Variants in CALML4 observed in about 807,000 individuals in gnomAD.
CALML4 encodes the protein calmodulin-like protein 4.
A neutral mutation model predicts 17.9 loss-of-function variants in CALML4; 16 were observed. The observed-to-expected ratio is 0.89, with a 90% CI of 0.61 to 1.36. CALML4 has a LOEUF of 1.36. Among genes scored for constraint, CALML4 ranks in the 40% most tolerant of loss-of-function variants. The probability of loss-of-function intolerance (pLI) is 0.00; values close to 1 mark genes in which losing one functional copy is unlikely to be tolerated. For synonymous variants in CALML4, 86 were observed against 71.5 expected (o/e 1.20, Z -1.02); for missense variants, 203 against 194.8 (o/e 1.04, Z -0.25).
At chr15:68,198,930 G>C (rs2093155604) in intron 3 of CALML4, among the ~76,000 whole-genome samples, 1 of 152,156 alleles carries the variant, frequency 6.6e-6, no homozygotes, top group Admixed American at 6.5e-5. Context: ...GGGAGGCCGA[G>C]GCAGGCAGAT....
chr15:68,194,066 C>T lies in CALML4; in HGVS notation c.411G>A (p.Val137=). 1 of 1,614,156 alleles carries T rather than the reference C, an allele frequency of 6.2e-7. No homozygotes were observed. The highest frequency in any genetic ancestry group is 8.5e-7 in the Non-Finnish European group (1 of 1,179,976). Residue 137 remains valine, a synonymous_variant, in exon 5 of 5, where the codon GTG becomes GTA. Coordinates refer to ENST00000467889, the MANE Select transcript of CALML4 (RefSeq NM_033429.3). ...TCTTGTGGATAAATTCATCATACTT[C>T]ACTTTGCCATTGGGTTCGATATCTG... The part of the protein sequence containing the change: ...READIEPNGK[V]KYDEFIHKIT...
chr15:68,199,390 A>G (rs1427548970), intron 3 of CALML4, 151 bp downstream of exon 3: 4 of 785,330 alleles, frequency 5.1e-6, no homozygotes, highest in Non-Finnish European at 7.9e-6. Flanking sequence ...CAAGTGAGGT[A>G]CGGCACTCCT....
chr15:68,193,649 A>C lies in CALML4; in HGVS notation c.*366T>G, dbSNP rs2093130400. ...CTTCCTCAACAGGCTCCATGAGGTA[A>C]GAAGTGGGAATCCAGCTTGTGTGGG... On this transcript the variant is annotated 3_prime_UTR_variant, in exon 5 of 5. Transcript: ENST00000467889. 1 of 209,268 alleles carries C rather than the reference A, an allele frequency of 4.8e-6. No individual in the cohort carries two copies. The highest frequency in any genetic ancestry group is 9.7e-6 in the Non-Finnish European group (1 of 103,552). 13.0% of individuals were successfully genotyped at this position (209,268 alleles called of 1,614,324 possible). A position where few individuals can be genotyped will look rare whatever the true frequency, so the allele number is the denominator to read the frequency against.
Position 68,192,563 on chromosome 15 carries a change from G to C in CALML4, c.*1452C>G, listed in dbSNP as rs2093125178. 6.6e-6 allele frequency: 1 copy of C among 152,152 alleles called. No homozygotes were observed. Among genetic ancestry groups the C allele is most frequent in the African/African-American group, 2.4e-5 (1 of 41,418 alleles). The allele number at this position is 152,152 out of a possible 1,614,324, so 9.4% of individuals were successfully genotyped here. A position where few individuals can be genotyped will look rare whatever the true frequency, so the allele number is the denominator to read the frequency against. ...CCTAGGAATTCCTCCTCTCCTTGCA[G>C]TTATGCTTGGGGAAATGAGAGTCTC... On this transcript the variant is annotated 3_prime_UTR_variant, in exon 5 of 5. Coordinates refer to ENST00000467889, the MANE Select transcript of CALML4 (RefSeq NM_033429.3).
At chr15:68,195,300 T>TTAAC (rs1430518527) in intron 4 of CALML4, among the ~76,000 whole-genome samples, 1 of 152,230 alleles carries the variant, frequency 6.6e-6, no homozygotes, top group East Asian at 1.9e-4. Flanking sequence ...GATTCTCTGC[T>TTAAC]TAACTATCCT....
chr15:68,203,109 C>G (rs895999237), intron 2 of CALML4, among the ~76,000 whole-genome samples: 1 of 152,028 alleles, frequency 6.6e-6, no homozygotes, highest in Non-Finnish European at 1.5e-5. Context: ...GCCAACTGCA[C>G]CTGGCCAGTT....
chr15:68,202,648 T>C (rs867401804), intron 2 of CALML4, among the ~76,000 whole-genome samples: 1,685 of 150,540 alleles, frequency 0.011, 49 homozygotes, highest in African/African-American at 0.039. Context: ...GCCAACTTTT[T>C]TTTTTTTTTT....
Position 68,193,938 on chromosome 15 carries a change from G to T in CALML4, c.*77C>A. On this transcript the variant is annotated 3_prime_UTR_variant, in exon 5 of 5. Transcript: ENST00000467889. The stretch of plus-strand genomic sequence containing the variant: ...CCACTGTGTTTGCCATCTCTCCCAA[G>T]TGAAAAGAACACTTTTTAAAAAAAA... 9.7e-7 allele frequency: 1 copy of T among 1,027,064 alleles called. No homozygotes were observed. 63.6% of individuals were successfully genotyped at this position (1,027,064 alleles called of 1,614,324 possible). A position where few individuals can be genotyped will look rare whatever the true frequency, so the allele number is the denominator to read the frequency against.
rs1190753141 is a variant in CALML4, at chr15:68,191,843, CACTT to C, written c.*2168_*2171del. The C allele has an allele frequency of 1.3e-5, 2 of 152,166 alleles. No homozygotes were observed. Among genetic ancestry groups the C allele is most frequent in the Non-Finnish European group, 2.9e-5 (2 of 68,030 alleles). 9.4% of individuals were successfully genotyped at this position (152,166 alleles called of 1,614,324 possible). ...TCCTCGGGTAGAGGTTTGAATCAAACACTTAATAGGATCTTAGACTCTGGACCAC... is the reference window on the plus strand; with the variant it reads ...TCCTCGGGTAGAGGTTTGAATCAAACAATAGGATCTTAGACTCTGGACCAC... On this transcript the variant is annotated 3_prime_UTR_variant, in exon 5 of 5. Coordinates refer to ENST00000467889, the MANE Select transcript of CALML4 (RefSeq NM_033429.3).
At chr15:68,199,422 G>A (rs35964710) in intron 3 of CALML4, 119 bp downstream of exon 3, 50,927 of 1,135,100 alleles carry the variant, frequency 0.045, 1,357 homozygotes, top group Non-Finnish European at 0.051. Context: ...GCCACAGCTG[G>A]ATCCCCAGGA....
rs2093162706 is a variant in CALML4, at chr15:68,200,683, G to C, written c.35-1002C>G. Among the ~76,000 whole-genome samples the C allele has an allele frequency of 6.6e-6, 1 of 152,166 alleles. No homozygotes were observed. Among genetic ancestry groups the C allele is most frequent in the African/African-American group, 2.4e-5 (1 of 41,428 alleles). On this transcript the variant is annotated intron_variant, in intron 2 of 4. Transcript: ENST00000467889. This position sits in a 1 kb window ranked among gnomAD's most constrained non-coding sequence, Gnocchi z 4.3. ...GGAGCCGTGGAAACACAGTGGCCTGGCGCTGGCCCTCCCAGGCTGGGGCTC... is the reference window on the plus strand; with the variant it reads ...GGAGCCGTGGAAACACAGTGGCCTGCCGCTGGCCCTCCCAGGCTGGGGCTC...
At position 68,192,281 on chromosome 15, in the gene CALML4, C is replaced by T. The variant is rs1875611111; in HGVS notation, c.*1734G>A. 6.6e-6 allele frequency: 1 copy of T among 152,156 alleles called. No individual in the cohort carries two copies. The allele number at this position is 152,156 out of a possible 1,614,324, so 9.4% of individuals were successfully genotyped here. ...CGGCGGGGCCAGCATCTAACCGGCC[C>T]TCTGGTGGATTTACCATGAAGGTAA... is the stretch of plus-strand genomic sequence containing the variant. On this transcript the variant is annotated 3_prime_UTR_variant, in exon 5 of 5. Transcript: ENST00000467889.
intron 4 of CALML4, among the ~76,000 whole-genome samples, chr15:68,194,945 A>AC (rs1311050785): frequency 6.6e-6 from 1 of 151,760 alleles, no homozygotes; most frequent in Non-Finnish European, 1.5e-5. Context: ...AAAAAAAAAA[A>AC]AAATGTTTGG....
In CALML4 at chr15:68,193,537, A is replaced by G. The variant is rs1245728165; in HGVS notation, c.*478T>C. 6.5e-6 allele frequency: 1 copy of G among 153,568 alleles called. No individual in the cohort carries two copies. The highest frequency in any genetic ancestry group is 1.9e-4 in the East Asian group (1 of 5,228). 9.5% of individuals were successfully genotyped at this position (153,568 alleles called of 1,614,324 possible). On this transcript the variant is annotated 3_prime_UTR_variant, in exon 5 of 5. Coordinates refer to ENST00000467889, the MANE Select transcript of CALML4 (RefSeq NM_033429.3). ...TCAGCTAGCACTGGCTTCATCTTGG[A>G]AAATCTTGGAAATATGGAAGATGGT...
intron 2 of CALML4, among the ~76,000 whole-genome samples, chr15:68,203,001 G>A (rs796652995): frequency 6.6e-6 from 1 of 152,210 alleles, no homozygotes; most frequent in South Asian, 2.1e-4. Flanking sequence ...TTTTAGTAGA[G>A]ATAGGGTTTC....
upstream of CALML4, chr15:68,205,601 C>G: frequency 1.8e-6 from 1 of 567,108 alleles, no homozygotes; most frequent in East Asian, 3.1e-5. The surrounding 1 kb of genome is among the most constrained non-coding windows in gnomAD (Gnocchi z 4.8). Flanking sequence ...TCCTGGGACT[C>G]GGCGGGGATG....
chr15:68,194,152 T>C, intron 4 of CALML4, 40 bp from the exon 5 acceptor site: 1 of 1,538,324 alleles, frequency 6.5e-7, no homozygotes, highest in Non-Finnish European at 9.0e-7. Flanking sequence ...TTGGCTTTAG[T>C]GTTCCATTAT....
rs2141130780 is a variant in CALML4 at position 68,203,604 on chromosome 15, T to C, written c.34+1517A>G. 2.0e-5 allele frequency among the ~76,000 whole-genome samples: 3 copies of C among 152,356 alleles called. No homozygotes were observed. The South Asian group carries it at 6.2e-4, about 32-fold the overall frequency. ...AAACTATGGCTCTTGCTAGCTGTAG[T>C]GAGCCAGCCCCAGCCCACATGTGGG... On this transcript the variant is annotated intron_variant, in intron 2 of 4. Transcript: ENST00000467889.
At chr15:68,205,669 T>C, upstream of CALML4, 1 of 394,174 alleles carries the variant, frequency 2.5e-6, no homozygotes, top group Non-Finnish European at 4.8e-6. The surrounding 1 kb of genome is among the most constrained non-coding windows in gnomAD (Gnocchi z 4.8). Flanking sequence ...TGAAGGCTCC[T>C]CACACACCAT....
Sources: allele counts gnomAD v4.1 joint callset (sites outside exome capture counted in the v4.1 genomes callset), GRCh38; gene constraint gnomAD v4.1.1; non-coding constraint Gnocchi (gnomAD v3.1); transcripts MANE v1.5; gene names NCBI Gene and HGNC (gene_info 2026-07-23, HGNC 2026-07-21).